Variants in RNF13 observed in about 807,000 individuals in gnomAD.
RNF13 encodes ring finger protein 13, also known as E3 ubiquitin-protein ligase RNF13.
RNF13 carries 19 observed loss-of-function variants against 37.7 expected under a neutral mutation model. The ratio of observed to expected loss-of-function variants is 0.50; its 90% CI spans 0.35 to 0.74. The LOEUF is 0.74. Ranked by LOEUF, RNF13 falls within the 30% of genes least tolerant of loss-of-function variation. RNF13 has a pLI of 0.01. For synonymous variants in RNF13, 144 were observed against 157.8 expected, an observed-to-expected ratio of 0.91 and a Z score of 0.65; for missense variants, 375 against 453.0, an observed-to-expected ratio of 0.83 and a Z score of 1.56.
At chr3:149,944,770 T>A (rs1576581419) in intron 8 of RNF13, among the ~76,000 whole-genome samples, 1 of 152,242 alleles carries the variant, frequency 6.6e-6, no homozygotes, top group East Asian at 1.9e-4. Flanking sequence ...GCCTGTTCAC[T>A]CTGATGGTAG....
chr3:149,932,976 C>T (rs561713546), intron 8 of RNF13, among the ~76,000 whole-genome samples: 4 of 152,246 alleles, frequency 2.6e-5, no homozygotes, highest in Non-Finnish European at 4.4e-5. Context: ...CTTTCTAATA[C>T]ATCCTCTGAA....
intron 7 of RNF13, among the ~76,000 whole-genome samples, chr3:149,920,179 A>G (rs1271331402): frequency 6.6e-6 from 1 of 152,006 alleles, no homozygotes; most frequent in Non-Finnish European, 1.5e-5. Context: ...CAAATATTTT[A>G]TTTCAGTCTG....
intron 5 of RNF13, among the ~76,000 whole-genome samples, chr3:149,895,852 T>G (rs1242211657): frequency 2.0e-5 from 3 of 152,150 alleles, no homozygotes; most frequent in African/African-American, 7.2e-5. Flanking sequence ...AAGAATGCCA[T>G]AGAGGGTGTT....
chr3:149,827,055 G>A (rs1300904752), intron 1 of RNF13, among the ~76,000 whole-genome samples: 1 of 152,132 alleles, frequency 6.6e-6, no homozygotes, highest in Non-Finnish European at 1.5e-5. Context: ...ACCATGCCTA[G>A]CCATATTTAT....
intron 8 of RNF13, among the ~76,000 whole-genome samples, chr3:149,955,180 A>G (rs994782192): frequency 1.3e-5 from 2 of 152,146 alleles, no homozygotes; most frequent in African/African-American, 4.8e-5. Context: ...AGGAGGGGAA[A>G]GATTTTTATT....
intron 1 of RNF13, among the ~76,000 whole-genome samples, chr3:149,823,334 AT>A (rs1720176636): frequency 6.6e-6 from 1 of 152,190 alleles, no homozygotes; most frequent in African/African-American, 2.4e-5. Flanking sequence ...TGTAGTAAGC[AT>A]TTGATAAATA....
intron 7 of RNF13, among the ~76,000 whole-genome samples, chr3:149,912,937 CAG>C (rs1344285601): frequency 1.3e-5 from 2 of 152,034 alleles, no homozygotes. Flanking sequence ...TATTTGAAAA[CAG>C]AAGCAGTTTG....
rs897880391 is a variant in RNF13, at chr3:149,899,999, T to C, written c.410-2073T>C. Among the ~76,000 whole-genome samples, 3 of 152,194 alleles carry C rather than the reference T, an allele frequency of 2.0e-5. No individual in the cohort carries two copies. In the South Asian group the frequency reaches 6.2e-4, roughly 32 times the overall value. ...CTTTGTCGATATGTACTTCACAGAG[T>C]TGTTTTACAGATCAAAATAGAGTGT... On this transcript the variant is annotated intron_variant, in intron 5 of 9. Coordinates refer to ENST00000392894, the MANE Select transcript of RNF13 (RefSeq NM_183381.3).
At chr3:149,865,689 G>A (rs925635516) in intron 3 of RNF13, among the ~76,000 whole-genome samples, 1 of 152,076 alleles carries the variant, frequency 6.6e-6, no homozygotes, top group African/African-American at 2.4e-5. Flanking sequence ...AAAAAAATTG[G>A]AATAGATGAG....
chr3:149,955,709 A>AT (rs2108612006), intron 8 of RNF13, among the ~76,000 whole-genome samples: 2 of 152,316 alleles, frequency 1.3e-5, no homozygotes, highest in African/African-American at 4.8e-5. Flanking sequence ...TTTATAATGC[A>AT]TATGTAAAGT....
At chr3:149,853,597 C>G (rs1468328486) in intron 3 of RNF13, among the ~76,000 whole-genome samples, 1 of 151,362 alleles carries the variant, frequency 6.6e-6, no homozygotes, top group African/African-American at 2.4e-5. Flanking sequence ...TTATTGTTTG[C>G]CATATATGCT....
At chr3:149,905,035 G>A (rs1378057897) in intron 6 of RNF13, among the ~76,000 whole-genome samples, 1 of 152,112 alleles carries the variant, frequency 6.6e-6, no homozygotes, top group Non-Finnish European at 1.5e-5. Flanking sequence ...ACGTTATTTT[G>A]TAATTATAAA....
At chr3:149,848,056 T>C (rs1049125509) in intron 2 of RNF13, among the ~76,000 whole-genome samples, 1 of 152,356 alleles carries the variant, frequency 6.6e-6, no homozygotes, top group African/African-American at 2.4e-5. Flanking sequence ...TTAAATAAGA[T>C]AAACTGCTTA....
intron 7 of RNF13, among the ~76,000 whole-genome samples, chr3:149,917,688 G>A (rs1717686897): frequency 6.6e-6 from 1 of 152,084 alleles, no homozygotes; most frequent in South Asian, 2.1e-4. Flanking sequence ...GTTGTGTTGA[G>A]GTAAGAAAAC....
At chr3:149,830,817 G>A (rs930154748) in intron 1 of RNF13, among the ~76,000 whole-genome samples, 1 of 152,176 alleles carries the variant, frequency 6.6e-6, no homozygotes, top group Non-Finnish European at 1.5e-5. Context: ...CCTATCACAC[G>A]CCCAGAGGCC....
intron 1 of RNF13, among the ~76,000 whole-genome samples, chr3:149,835,013 A>G (rs1029500594): frequency 6.6e-6 from 1 of 152,172 alleles, no homozygotes; most frequent in Non-Finnish European, 1.5e-5. Context: ...CATATGCAAC[A>G]GTTAACTCAA....
chr3:149,876,595 C>T (rs900143316), intron 4 of RNF13, among the ~76,000 whole-genome samples: 3 of 152,042 alleles, frequency 2.0e-5, no homozygotes, highest in Admixed American at 6.6e-5. Context: ...ATTTACAAGT[C>T]CCCATATGTG....
chr3:149,944,209 G>A (rs2108586573), intron 8 of RNF13, among the ~76,000 whole-genome samples: 1 of 152,234 alleles, frequency 6.6e-6, no homozygotes, highest in South Asian at 2.1e-4. Context: ...TCTTAATCCA[G>A]TCTATCATTG....
chr3:149,819,529 G>A (rs1490480989), intron 1 of RNF13, among the ~76,000 whole-genome samples: 1 of 152,174 alleles, frequency 6.6e-6, no homozygotes, highest in African/African-American at 2.4e-5. Context: ...AAAATGTATA[G>A]CTCCTAACTT....
Sources: gnomAD v4.1 joint callset for allele counts (sites outside exome capture counted in the v4.1 genomes callset) on GRCh38, gnomAD v4.1.1 for gene constraint, MANE v1.5 for transcripts, NCBI Gene and HGNC (gene_info 2026-07-23, HGNC 2026-07-21) for gene names.